Variants in SRRT observed in about 807,000 individuals in gnomAD.
SRRT encodes serrate RNA effector molecule homolog.
A neutral mutation model predicts 103.2 loss-of-function variants in SRRT; 32 were observed. The observed-to-expected ratio is 0.31, with a 90% CI of 0.23 to 0.42. The LOEUF is 0.42. Ranked by LOEUF, SRRT falls within the 10% of genes least tolerant of loss-of-function variation. The probability of loss-of-function intolerance (pLI) is 1.00; values close to 1 mark genes in which losing one functional copy is unlikely to be tolerated. For synonymous variants in SRRT, 525 were observed against 449.0 expected, an observed-to-expected ratio of 1.17 and a Z score of -2.14; for missense variants, 986 against 1,207.5, an observed-to-expected ratio of 0.82 and a Z score of 2.72.
At chr7:100,881,448 C>T (rs775538308) in intron 3 of SRRT, 35 bp downstream of exon 3, 4 of 1,602,318 alleles carry the variant, frequency 2.5e-6, no homozygotes, top group Non-Finnish European at 2.6e-6. Context: ...CTCCCCTTTG[C>T]CTCAGTTCCA....
rs1584741830 is a variant in SRRT at position 100,881,532 on chromosome 7, A to G, written c.251+119A>G. On this transcript the variant is annotated intron_variant, in intron 3 of 19. Coordinates refer to ENST00000611405, the MANE Select transcript of SRRT (RefSeq NM_015908.6). ...TCCTTTTCTCAACTTCCCATCACCC[A>G]TCGTTACTTTGTCCCTTGAAACCCT... 1.9e-6 allele frequency: 3 copies of G among 1,564,706 alleles called. No individual in the cohort carries two copies. The East Asian group carries it at 7.1e-5, about 37-fold the overall frequency.
At position 100,886,374 on chromosome 7, in the gene SRRT, A is replaced by G; in HGVS notation, c.1586A>G (p.His529Arg). ...NDIKLAAKLIHTLDDRTQLWA... is the reference protein window; with the variant it reads ...NDIKLAAKLIRTLDDRTQLWA... Reference sequence around the variant, plus strand: ...ATCAAGCTGGCGGCCAAGCTGATCCACACGCTGGATGACAGGACACAGCTT... The same window carrying G: ...ATCAAGCTGGCGGCCAAGCTGATCCGCACGCTGGATGACAGGACACAGCTT... Residue 529 changes from histidine (H) to arginine (R), a missense_variant, in exon 13 of 20, where the codon CAC (histidine) becomes CGC (arginine). His to Arg is a conservative substitution (Grantham distance 29). This residue lies in a region of SRRT where 349 missense variants were observed against 446.9 expected (regional missense o/e 0.78). Coordinates refer to ENST00000611405, the MANE Select transcript of SRRT (RefSeq NM_015908.6). The G allele has an allele frequency of 6.2e-7, 1 of 1,613,848 alleles. No individual in the cohort carries two copies. Among genetic ancestry groups the G allele is most frequent in the Non-Finnish European group, 8.5e-7 (1 of 1,180,036 alleles).
chr7:100,882,348 T>C lies in SRRT; in HGVS notation c.587+107T>C, dbSNP rs2115801903. 4 of 1,313,086 alleles carry C rather than the reference T, an allele frequency of 3.0e-6. No homozygotes were observed. Among genetic ancestry groups the C allele is most frequent in the South Asian group, 1.4e-5 (1 of 69,224 alleles). The allele number at this position is 1,313,086 out of a possible 1,614,324, so 81.3% of individuals were successfully genotyped here. On this transcript the variant is annotated intron_variant, in intron 5 of 19. Transcript: ENST00000611405. This position sits in a 1 kb window ranked among gnomAD's most constrained non-coding sequence, Gnocchi z 4.2. ...CCAGTTTTCCCTGTCCAGAACTTTC[T>C]GGGGGCGGGGGTCGGGAAGTATGAC... is the stretch of plus-strand genomic sequence containing the variant.
At chr7:100,879,655 C>T (rs547557052) in intron 2 of SRRT, among the ~76,000 whole-genome samples, 3 of 152,244 alleles carry the variant, frequency 2.0e-5, no homozygotes, top group Admixed American at 1.3e-4. Flanking sequence ...ATGTAACCCA[C>T]ATAAGCAGAA....
chr7:100,875,439 C>T (rs182260993), intron 1 of SRRT, 111 bp downstream of exon 1: 19 of 1,480,900 alleles, frequency 1.3e-5, no homozygotes, highest in Non-Finnish European at 1.7e-5. Flanking sequence ...GAGCCGCGTT[C>T]TCAGGCCTAG....
At chr7:100,876,477 C>T (rs972393825) in intron 2 of SRRT, among the ~76,000 whole-genome samples, 2 of 152,182 alleles carry the variant, frequency 1.3e-5, no homozygotes, top group Non-Finnish European at 2.9e-5. Flanking sequence ...GAGACAGCGT[C>T]TTGCTCTGTT....
chr7:100,884,164 A>T lies in SRRT; in HGVS notation c.682A>T (p.Met228Leu). The change falls in exon 6 of 20, where the codon ATG (methionine) becomes TTG (leucine). Residue 228 changes from methionine to leucine, a missense_variant. By Grantham distance (15) the Met-to-Leu change is conservative (BLOSUM62 2). Transcript: ENST00000611405. ...QNRLRVFLSL[M>L]ETGWFDNLLL... The stretch of plus-strand genomic sequence containing the variant: ...CCGACTGAGGGTCTTCCTGTCCCTC[A>T]TGGAGACTGGCTGGTTTGATAACCT... The T allele has an allele frequency of 6.2e-7, 1 of 1,614,108 alleles. No homozygotes were observed. Among genetic ancestry groups the T allele is most frequent in the Non-Finnish European group, 8.5e-7 (1 of 1,179,992 alleles).
At chr7:100,878,142 C>G (rs188605454) in intron 2 of SRRT, among the ~76,000 whole-genome samples, 451 of 152,034 alleles carry the variant, frequency 3.0e-3, no homozygotes, top group African/African-American at 0.01. Context: ...TGAAACCTGT[C>G]TGTACAAAAA....
chr7:100,875,621 A>C lies in SRRT; in HGVS notation c.31A>C (p.Arg11=). 6.2e-7 allele frequency: 1 copy of C among 1,614,120 alleles called. No homozygotes were observed. Among genetic ancestry groups the C allele is most frequent in the East Asian group, 2.2e-5 (1 of 44,878 alleles). ...TGACAGTGATGACGAGTACGATCGA[A>C]GGCGCAGGGACAAGTTCAGAAGAGA... is the stretch of plus-strand genomic sequence containing the variant. The part of the protein sequence containing the change: MGDSDDEYDR[R]RRDKFRRERS... The change falls in exon 2 of 20, where the codon AGG becomes CGG. Residue 11 remains arginine, a synonymous_variant. Coordinates refer to ENST00000611405, the MANE Select transcript of SRRT (RefSeq NM_015908.6).
chr7:100,886,534 C>CCACTCGCCTGCT (rs1790120455), intron 13 of SRRT, 99 bp downstream of exon 13: 1 of 1,282,802 alleles, frequency 7.8e-7, no homozygotes, highest in South Asian at 1.4e-5. Context: ...ACCCTTGCAC[C>CCACTCGCCTGCT]CACTCGCCTG....
In SRRT at chr7:100,882,572, T is replaced by C. The variant is rs185333299; in HGVS notation, c.587+331T>C. ...TTGTCATCCCTGATCACCAGGACCC[T>C]GTGTGGCTGTGGCGTCCTCCTAAAG... On this transcript the variant is annotated intron_variant, in intron 5 of 19. Transcript: ENST00000611405. This position sits in a 1 kb window ranked among gnomAD's most constrained non-coding sequence, Gnocchi z 4.2. The C allele has an allele frequency of 2.2e-3, 489 of 227,156 alleles. No individual in the cohort carries two copies. Among genetic ancestry groups the C allele is most frequent in the African/African-American group, 0.01 (445 of 44,022 alleles). The allele number at this position is 227,156 out of a possible 1,614,324, so 14.1% of individuals were successfully genotyped here.
chr7:100,878,937 C>T (rs1816019633), intron 2 of SRRT, among the ~76,000 whole-genome samples: 1 of 150,774 alleles, frequency 6.6e-6, no homozygotes, highest in Admixed American at 6.6e-5. Flanking sequence ...TCCTTTCTTT[C>T]TTTTTCTTTC....
chr7:100,877,291 C>T (rs577926404), intron 2 of SRRT, among the ~76,000 whole-genome samples: 115 of 150,696 alleles, frequency 7.6e-4, no homozygotes, highest in African/African-American at 2.7e-3. Flanking sequence ...CATGGTGGTG[C>T]GCGCCTGTAG....
At position 100,887,991 on chromosome 7, in the gene SRRT, CCCG is replaced by C; in HGVS notation, c.2327-50_2327-48del. ...GCCATAGCCCTAGAAGTCAATTGTACCCGTATCCCCCTCCCCGCCCCCGCAGTA... is the reference window on the plus strand; with the variant it reads ...GCCATAGCCCTAGAAGTCAATTGTACTATCCCCCTCCCCGCCCCCGCAGTA... On this transcript the variant is annotated intron_variant, in intron 17 of 19. Coordinates refer to ENST00000611405, the MANE Select transcript of SRRT (RefSeq NM_015908.6). The surrounding 1 kb of genome is among the most constrained non-coding windows in gnomAD (Gnocchi z 4.1). 6.6e-7 allele frequency: 1 copy of C among 1,523,944 alleles called. No individual in the cohort carries two copies. Among genetic ancestry groups the C allele is most frequent in the Non-Finnish European group, 8.8e-7 (1 of 1,136,478 alleles). The allele number at this position is 1,523,944 out of a possible 1,614,324, so 94.4% of individuals were successfully genotyped here.
rs763404158 is a variant in SRRT at position 100,887,229 on chromosome 7, GC to G, written c.1975+30del. ...AGCTCCAGGTTCCCCTTTGTTCCCG[GC>G]TGCCCCTGGCCTTGGTCCTCCAGCC... On this transcript the variant is annotated intron_variant, in intron 15 of 19. Coordinates refer to ENST00000611405, the MANE Select transcript of SRRT (RefSeq NM_015908.6). This position sits in a 1 kb window ranked among gnomAD's most constrained non-coding sequence, Gnocchi z 4.1. 6.2e-7 allele frequency: 1 copy of G among 1,613,560 alleles called. No homozygotes were observed. The highest frequency in any genetic ancestry group is 8.5e-7 in the Non-Finnish European group (1 of 1,179,598).
At chr7:100,876,880 A>G (rs1815763038) in intron 2 of SRRT, among the ~76,000 whole-genome samples, 1 of 152,184 alleles carries the variant, frequency 6.6e-6, no homozygotes, top group Non-Finnish European at 1.5e-5. Flanking sequence ...ATGAGTGGGA[A>G]TTCCCCAGAC....
In SRRT at chr7:100,887,758, A is replaced by T. The variant is rs1790282896; in HGVS notation, c.2225A>T (p.Glu742Val). 1.2e-6 allele frequency: 2 copies of T among 1,613,398 alleles called. No homozygotes were observed. Among genetic ancestry groups the T allele is most frequent in the African/African-American group, 2.7e-5 (2 of 74,852 alleles). Residue 742 changes from glutamate (E) to valine (V), a missense_variant, in exon 17 of 20, where the codon GAA becomes GTA. Physicochemically the swap from Glu to Val is moderately radical, Grantham distance 121. Around this residue, in one of 6 missense-constraint regions of SRRT, gnomAD observed 178 missense variants for 189.6 expected, o/e 0.94. Transcript: ENST00000611405. The surrounding 1 kb of genome is among the most constrained non-coding windows in gnomAD (Gnocchi z 4.1). ...IFNKHAEKIE[E>V]VKKEVAFFNN... ...AACAAGCATGCAGAGAAAATTGAGG[A>T]AGTGAAAAAGGAAGTCGCGTTTTTT...
chr7:100,877,752 C>G (rs1022937162), intron 2 of SRRT, among the ~76,000 whole-genome samples: 2 of 152,012 alleles, frequency 1.3e-5, no homozygotes, highest in African/African-American at 4.8e-5. Context: ...AACTCCTGAC[C>G]TCACATATCC....
In SRRT at chr7:100,882,602, G is replaced by A. The variant is rs569146327; in HGVS notation, c.587+361G>A. ...GGCTGTGGCGTCCTCCTAAAGCGACGAGTGAATCCAGACAAGAAAAGCAAA... is the reference window on the plus strand; with the variant it reads ...GGCTGTGGCGTCCTCCTAAAGCGACAAGTGAATCCAGACAAGAAAAGCAAA... On this transcript the variant is annotated intron_variant, in intron 5 of 19. Transcript: ENST00000611405. This position sits in a 1 kb window ranked among gnomAD's most constrained non-coding sequence, Gnocchi z 4.2. The A allele has an allele frequency of 2.1e-5, 4 of 188,312 alleles. No homozygotes were observed. The South Asian group carries it at 5.6e-4, about 26-fold the overall frequency. 11.7% of individuals were successfully genotyped at this position (188,312 alleles called of 1,614,324 possible).
Sources: gnomAD v4.1 joint callset for allele counts (sites outside exome capture counted in the v4.1 genomes callset) on GRCh38, gnomAD v4.1.1 for gene constraint, gnomAD v4.1.1 regional missense constraint, Gnocchi (gnomAD v3.1) non-coding constraint, MANE v1.5 for transcripts, NCBI Gene and HGNC (gene_info 2026-07-23, HGNC 2026-07-21) for gene names.